RBAK: variants seen among roughly 807,000 people sequenced by gnomAD.
RBAK encodes RB-associated KRAB zinc finger protein.
In RBAK, 39 loss-of-function variants were observed where a neutral mutation model predicts 65.8. The observed-to-expected ratio is 0.59, with a 90% CI of 0.46 to 0.77. RBAK has a LOEUF of 0.77. RBAK is among the 30% of genes least tolerant of loss of function. The pLI is 0.00. For missense variants in RBAK, 884 were observed against 855.1 expected (o/e 1.03, Z -0.42); for synonymous variants, 343 against 289.7 (o/e 1.18, Z -1.87).
chr7:5,065,001 A>G lies in RBAK; in HGVS notation c.1545A>G (p.Glu515=). 8.1e-6 allele frequency: 13 copies of G among 1,614,006 alleles called. No homozygotes were observed. The highest frequency in any genetic ancestry group is 1.1e-5 in the Non-Finnish European group (13 of 1,179,928). ...AAGAGAAACCCTATGAATGTAATGA[A>G]TGTGGGAAAACCTTCCTTGTAAATT... ...HLEEKPYECN[E]CGKTFLVNSA... is the part of the protein sequence containing the mutation. The change falls in exon 5 of 5, where the codon GAA becomes GAG. Residue 515 remains glutamate, a synonymous_variant. Coordinates refer to ENST00000396912, the MANE Select transcript of RBAK (RefSeq NM_021163.4). The surrounding 1 kb of genome is among the most constrained non-coding windows in gnomAD (Gnocchi z 5.3).
At chr7:5,046,507 G>GAC in intron 1 of RBAK, 111 bp downstream of exon 1, 1 of 383,364 alleles carries the variant, frequency 2.6e-6, no homozygotes, top group South Asian at 2.0e-5. Flanking sequence ...TTGCAGGAGA[G>GAC]ACGTGTGTTT....
At chr7:5,055,674 T>C (rs1788212935) in intron 2 of RBAK, among the ~76,000 whole-genome samples, 1 of 152,232 alleles carries the variant, frequency 6.6e-6, no homozygotes, top group Admixed American at 6.5e-5. Context: ...GGTTTTTGTA[T>C]TGATGTAAGT....
rs1225286931 is a variant in RBAK at position 5,065,481 on chromosome 7, A to C, written c.2025A>C (p.Gly675=). ...YLTVHYRTHS[G]EKPYECNECG... is the part of the protein sequence containing the mutation. Reference sequence around the variant, plus strand: ...CTGTACACTATAGAACTCATTCAGGAGAGAAACCCTATGAATGTAACGAGT... The same window carrying C: ...CTGTACACTATAGAACTCATTCAGGCGAGAAACCCTATGAATGTAACGAGT... Residue 675 remains glycine (G), a synonymous_variant, in exon 5 of 5, where the codon GGA becomes GGC. Transcript: ENST00000396912. The surrounding 1 kb of genome is among the most constrained non-coding windows in gnomAD (Gnocchi z 5.3). 1 of 1,607,082 alleles carries C rather than the reference A, an allele frequency of 6.2e-7. No homozygotes were observed. Among genetic ancestry groups the C allele is most frequent in the Admixed American group, 1.7e-5 (1 of 59,772 alleles).
rs949758816 is a variant in RBAK at position 5,048,532 on chromosome 7, A to C, written c.15+441A>C. ...AGACATTGTCCTGTAAAATATAGTT[A>C]GTGTGGCAGATCAGCACCAAAAATG... On this transcript the variant is annotated intron_variant, in intron 2 of 4. Transcript: ENST00000396912. The surrounding 1 kb of genome is among the most constrained non-coding windows in gnomAD (Gnocchi z 4.4). Among the ~76,000 whole-genome samples the C allele has an allele frequency of 1.3e-5, 2 of 152,218 alleles. No homozygotes were observed. Among genetic ancestry groups the C allele is most frequent in the African/African-American group, 4.8e-5 (2 of 41,450 alleles).
In RBAK at chr7:5,045,905, T is replaced by G; in HGVS notation, c.-536T>G. On this transcript the variant is annotated 5_prime_UTR_variant, in exon 1 of 5. Transcript: ENST00000396912. ...GTCCTCAGGTCACCGCTTGCTCTAGTTCCCAGGCTTTGGCCTCCAGTGGAC... is the reference window on the plus strand; with the variant it reads ...GTCCTCAGGTCACCGCTTGCTCTAGGTCCCAGGCTTTGGCCTCCAGTGGAC... 2.8e-6 allele frequency: 1 copy of G among 351,266 alleles called. No individual in the cohort carries two copies. The allele number at this position is 351,266 out of a possible 1,614,324, so 21.8% of individuals were successfully genotyped here.
rs534427923 is a variant in RBAK, at chr7:5,067,641, G to A, written c.*2040G>A. The A allele has an allele frequency of 6.6e-6, 1 of 152,294 alleles. No individual in the cohort carries two copies. Among genetic ancestry groups the A allele is most frequent in the African/African-American group, 2.4e-5 (1 of 41,562 alleles). The allele number at this position is 152,294 out of a possible 1,614,324, so 9.4% of individuals were successfully genotyped here. ...GAATAATTGTCAAGGCTATCCTGTAGAATGGACAGAGAGGATTGAAATTTC... is the reference window on the plus strand; with the variant it reads ...GAATAATTGTCAAGGCTATCCTGTAAAATGGACAGAGAGGATTGAAATTTC... On this transcript the variant is annotated 3_prime_UTR_variant, in exon 5 of 5. Coordinates refer to ENST00000396912, the MANE Select transcript of RBAK (RefSeq NM_021163.4).
rs566036415 is a variant in RBAK at position 5,053,446 on chromosome 7, A to C, written c.16-3849A>C. Among the ~76,000 whole-genome samples, 7 of 152,096 alleles carry C rather than the reference A, an allele frequency of 4.6e-5. No individual in the cohort carries two copies. The East Asian group carries it at 1.4e-3, about 29-fold the overall frequency. ...CACTAGTTTTGGGTAATTTGATTGC[A>C]ATATGTCATGGTATCATTTTTTTCA... On this transcript the variant is annotated intron_variant, in intron 2 of 4. Coordinates refer to ENST00000396912, the MANE Select transcript of RBAK (RefSeq NM_021163.4).
chr7:5,052,169 T>G (rs559988398), intron 2 of RBAK, among the ~76,000 whole-genome samples: 2 of 152,362 alleles, frequency 1.3e-5, no homozygotes, highest in South Asian at 4.1e-4. Flanking sequence ...TTGTTATTTA[T>G]GTAGCATTCT....
chr7:5,050,730 A>G (rs568971607), intron 2 of RBAK, among the ~76,000 whole-genome samples: 4 of 152,072 alleles, frequency 2.6e-5, no homozygotes, highest in Admixed American at 2.0e-4. Context: ...ATGTGCCACA[A>G]TGCCCAGCGA....
chr7:5,061,692 G>C (rs1779076487), intron 4 of RBAK, among the ~76,000 whole-genome samples: 1 of 151,608 alleles, frequency 6.6e-6, no homozygotes, highest in Non-Finnish European at 1.5e-5. Context: ...GAGGTCAAGA[G>C]TTCAAGACCA....
At chr7:5,060,546 A>T (rs780217230) in intron 4 of RBAK, among the ~76,000 whole-genome samples, 9 of 152,216 alleles carry the variant, frequency 5.9e-5, no homozygotes, top group Admixed American at 5.2e-4. Context: ...AGGGAAAGAG[A>T]TTCAATGAAC....
intron 2 of RBAK, among the ~76,000 whole-genome samples, chr7:5,051,760 T>TG (rs1423549968): frequency 6.6e-6 from 1 of 152,224 alleles, no homozygotes. Flanking sequence ...ATTTAGTTGG[T>TG]GAATTTTTGT....
chr7:5,064,064 A>T lies in RBAK; in HGVS notation c.608A>T (p.Lys203Ile). The T allele has an allele frequency of 6.2e-7, 1 of 1,613,726 alleles. No individual in the cohort carries two copies. Among genetic ancestry groups the T allele is most frequent in the Non-Finnish European group, 8.5e-7 (1 of 1,179,938 alleles). Residue 203 changes from lysine (K) to isoleucine (I), a missense_variant, in exon 5 of 5, where the codon AAA (lysine) becomes ATA (isoleucine). Lys to Ile is a moderately radical substitution (Grantham distance 102). Coordinates refer to ENST00000396912, the MANE Select transcript of RBAK (RefSeq NM_021163.4). The surrounding 1 kb of genome is among the most constrained non-coding windows in gnomAD (Gnocchi z 6.3). ...CTTCAGAAAATTAGTATTTTGGAGA[A>T]ACCCTTTGAATATAATGAATGCATG... ...NILQKISILEKPFEYNECMEA... is the reference protein window; with the variant it reads ...NILQKISILEIPFEYNECMEA...
chr7:5,058,776 T>C (rs1252110962), intron 4 of RBAK, among the ~76,000 whole-genome samples: 1 of 152,246 alleles, frequency 6.6e-6, no homozygotes, highest in Non-Finnish European at 1.5e-5. Flanking sequence ...TCGGTTCCTT[T>C]TCTTGCCTTT....
At chr7:5,046,436 G>C (rs1449176018) in intron 1 of RBAK, 40 bp downstream of exon 1, 1 of 504,390 alleles carries the variant, frequency 2.0e-6, no homozygotes, top group East Asian at 5.6e-5. Context: ...AGAAGGGCCT[G>C]AGTGAAGTCA....
Position 5,065,566 on chromosome 7 carries a change from G to A in RBAK, c.2110G>A (p.Gly704Arg). ...TAGCCATCAGAGAATTCATAGAAGA[G>A]GAAATATGAACGTACTTGATGTGGA... ...FNSHQRIHRRGNMNVLDVENL is the reference protein window; with the variant it reads ...FNSHQRIHRRRNMNVLDVENL The change falls in exon 5 of 5, where the codon GGA (glycine) becomes AGA (arginine). Residue 704 changes from glycine (G) to arginine (R), a missense_variant. Coordinates refer to ENST00000396912, the MANE Select transcript of RBAK (RefSeq NM_021163.4). The surrounding 1 kb of genome is among the most constrained non-coding windows in gnomAD (Gnocchi z 5.3). The A allele has an allele frequency of 6.5e-7, 1 of 1,547,674 alleles. No homozygotes were observed. The highest frequency in any genetic ancestry group is 1.3e-5 in the South Asian group (1 of 79,148).
chr7:5,048,199 G>C lies in RBAK; in HGVS notation c.15+108G>C. On this transcript the variant is annotated intron_variant, in intron 2 of 4. Coordinates refer to ENST00000396912, the MANE Select transcript of RBAK (RefSeq NM_021163.4). This position sits in a 1 kb window ranked among gnomAD's most constrained non-coding sequence, Gnocchi z 4.4. Reference sequence around the variant, plus strand: ...TTTTTTTCTTTTTTTTTGAGATGGAGTCTTGCTCTGTTGCCCAGGCTGGAG... The same window carrying C: ...TTTTTTTCTTTTTTTTTGAGATGGACTCTTGCTCTGTTGCCCAGGCTGGAG... The C allele has an allele frequency of 6.7e-7, 1 of 1,491,046 alleles. No individual in the cohort carries two copies. The highest frequency in any genetic ancestry group is 9.1e-7 in the Non-Finnish European group (1 of 1,103,740). 92.4% of individuals were successfully genotyped at this position (1,491,046 alleles called of 1,614,324 possible).
At chr7:5,050,035 C>T (rs1355248169) in intron 2 of RBAK, among the ~76,000 whole-genome samples, 1 of 152,172 alleles carries the variant, frequency 6.6e-6, no homozygotes, top group Admixed American at 6.5e-5. Flanking sequence ...TGTATTCCCA[C>T]TGTATTGCTC....
chr7:5,063,996 T>G lies in RBAK; in HGVS notation c.540T>G (p.Phe180Leu). The change falls in exon 5 of 5, where the codon TTT becomes TTG. Residue 180 changes from phenylalanine to leucine, a missense_variant. By Grantham distance (22) the Phe-to-Leu change is conservative. Coordinates refer to ENST00000396912, the MANE Select transcript of RBAK (RefSeq NM_021163.4). ...KTYHGEKMCE[F>L]NQNGDTYSHN... is the part of the protein sequence containing the mutation. ...ATCATGGAGAGAAAATGTGTGAATT[T>G]AATCAAAATGGGGATACCTATTCTC... is the stretch of plus-strand genomic sequence containing the variant. 6.2e-7 allele frequency: 1 copy of G among 1,613,900 alleles called. No individual in the cohort carries two copies.
Sources: gnomAD v4.1 joint callset for allele counts (sites outside exome capture counted in the v4.1 genomes callset) on GRCh38, gnomAD v4.1.1 for gene constraint, Gnocchi (gnomAD v3.1) non-coding constraint, MANE v1.5 for transcripts, NCBI Gene and HGNC (gene_info 2026-07-23, HGNC 2026-07-21) for gene names.